Variants in RAP1GAP observed in about 807,000 individuals in gnomAD.
The protein encoded by RAP1GAP is RAP1 GTPase activating protein.
In RAP1GAP, 35 loss-of-function variants were observed where a neutral mutation model predicts 87.2. The ratio of observed to expected loss-of-function variants is 0.40; its 90% CI spans 0.31 to 0.53. The LOEUF is 0.53. RAP1GAP is among the 20% of genes least tolerant of loss of function. The pLI, the probability that RAP1GAP is intolerant of heterozygous loss-of-function variation, is 0.48. For synonymous variants in RAP1GAP, 375 were observed against 363.9 expected, an observed-to-expected ratio of 1.03 and a Z score of -0.35; for missense variants, 734 against 898.9, an observed-to-expected ratio of 0.82 and a Z score of 2.35.
At chr1:21,649,904 G>C (rs2096422539) in intron 1 of RAP1GAP, 108 bp from the exon 2 acceptor site, 1 of 1,185,598 alleles carries the variant, frequency 8.4e-7, no homozygotes, top group Non-Finnish European at 1.2e-6. Flanking sequence ...AGGGGCTGGA[G>C]AAGGTCCTGT....
rs528098037 is a variant in RAP1GAP at position 21,628,400 on chromosome 1, T to TAAAA, written c.-112-2007_-112-2004dup. Among the ~76,000 whole-genome samples, 36 of 52,438 alleles carry TAAAA rather than the reference T, an allele frequency of 6.9e-4. 2 individuals carry two copies. The highest frequency in any genetic ancestry group is 1.2e-3 in the African/African-American group (10 of 8,146). The allele number at this position is 52,438 out of a possible 152,430, so 34.4% of individuals were successfully genotyped here. On this transcript the variant is annotated intron_variant, in intron 2 of 24. Transcript: ENST00000374765. ...CAATATGGTGAAACCCCATCTCTAC[T>TAAAA]AAAAAAAAAAAAAAAAAAAAAAAAA...
chr1:21,643,991 G>A (rs903744435), intron 2 of RAP1GAP, among the ~76,000 whole-genome samples: 3 of 152,338 alleles, frequency 2.0e-5, no homozygotes, highest in Admixed American at 1.3e-4. Context: ...AGGGCGGCAA[G>A]AGTCCTCTCT....
chr1:21,598,550 C>T (rs781623283), intron 21 of RAP1GAP, 48 bp from the exon 22 acceptor site: 1 of 1,486,810 alleles, frequency 6.7e-7, no homozygotes, highest in South Asian at 1.1e-5. Flanking sequence ...ATGCCCTTGG[C>T]ACTGGCTAGG....
intron 1 of RAP1GAP, among the ~76,000 whole-genome samples, chr1:21,652,803 T>C (rs892584348): frequency 6.6e-6 from 1 of 152,152 alleles, no homozygotes; most frequent in Non-Finnish European, 1.5e-5. Context: ...ACCGGGTTAC[T>C]AGCCCTGACC....
Position 21,612,077 on chromosome 1 carries a change from A to G in RAP1GAP, c.561T>C (p.His187=), listed in dbSNP as rs1321702830. ...CAAACTTGAAGTTATTGCTGATGAC[A>G]TGCTCGTCAAAGGTGACGATGAGCC... is the stretch of plus-strand genomic sequence containing the variant. ...ASRLIVTFDE[H]VISNNFKFGV... Residue 187 remains histidine (H), a synonymous_variant, in exon 11 of 25, where the codon CAT becomes CAC. Coordinates refer to ENST00000374765, the MANE Select transcript of RAP1GAP (RefSeq NM_002885.4). The G allele has an allele frequency of 6.4e-7, 1 of 1,553,836 alleles. No individual in the cohort carries two copies. Among genetic ancestry groups the G allele is most frequent in the Non-Finnish European group, 8.7e-7 (1 of 1,148,000 alleles).
chr1:21,626,663 AAGATG>A (rs2150292400), intron 2 of RAP1GAP, among the ~76,000 whole-genome samples: 1 of 152,288 alleles, frequency 6.6e-6, no homozygotes, highest in African/African-American at 2.4e-5. Flanking sequence ...ACCTACTCTG[AAGATG>A]AGTAGACTGA....
At chr1:21,639,287 G>A (rs2095276143) in intron 2 of RAP1GAP, among the ~76,000 whole-genome samples, 1 of 152,182 alleles carries the variant, frequency 6.6e-6, no homozygotes, top group African/African-American at 2.4e-5. Flanking sequence ...GCCCTTCCCT[G>A]GAGCTCTAAA....
intron 1 of RAP1GAP, chr1:21,651,822 T>TGGTGCC (rs1473207540): frequency 8.0e-7 from 1 of 1,252,406 alleles, no homozygotes; most frequent in Non-Finnish European, 1.0e-6. Flanking sequence ...CGGCCGCTCA[T>TGGTGCC]GGTGCCGCCG....
At chr1:21,626,241 C>G in intron 3 of RAP1GAP, 63 bp downstream of exon 3, 1 of 1,398,200 alleles carries the variant, frequency 7.2e-7, no homozygotes, top group Non-Finnish European at 1.0e-6. Flanking sequence ...CTTTCCCAGC[C>G]CTGGGCATGT....
chr1:21,597,691 C>T lies in RAP1GAP; in HGVS notation c.*29G>A. 6.2e-7 allele frequency: 1 copy of T among 1,610,788 alleles called. No homozygotes were observed. Among genetic ancestry groups the T allele is most frequent in the Non-Finnish European group, 8.5e-7 (1 of 1,177,506 alleles). ...GCTGAGGGGCTGGGTCTAACCTGCTCAGTTTCACCTTCAGAGGGGGTGGCC... is the reference window on the plus strand; with the variant it reads ...GCTGAGGGGCTGGGTCTAACCTGCTTAGTTTCACCTTCAGAGGGGGTGGCC... On this transcript the variant is annotated 3_prime_UTR_variant, in exon 24 of 25. Transcript: ENST00000374765.
intron 17 of RAP1GAP, among the ~76,000 whole-genome samples, chr1:21,607,349 A>G (rs1480812558): frequency 1.3e-5 from 2 of 152,216 alleles, no homozygotes; most frequent in Admixed American, 6.5e-5. Flanking sequence ...ACAGATAACA[A>G]TAACTGTATG....
Position 21,622,297 on chromosome 1 carries a change from C to A in RAP1GAP, c.-18-2247G>T. On this transcript the variant is annotated intron_variant, in intron 3 of 24. Transcript: ENST00000374765. This position sits in a 1 kb window ranked among gnomAD's most constrained non-coding sequence, Gnocchi z 5.7. Reference sequence around the variant, plus strand: ...CTCCCCAGCAGTCGGGGTGACCCAGCCCCGGGGTCCCTCCGCCATGCCGCC... The same window carrying A: ...CTCCCCAGCAGTCGGGGTGACCCAGACCCGGGGTCCCTCCGCCATGCCGCC... 2.0e-6 allele frequency: 1 copy of A among 497,926 alleles called. No homozygotes were observed. Among genetic ancestry groups the A allele is most frequent in the Non-Finnish European group, 3.6e-6 (1 of 279,858 alleles). The allele number at this position is 497,926 out of a possible 1,614,324, so 30.8% of individuals were successfully genotyped here.
intron 13 of RAP1GAP, among the ~76,000 whole-genome samples, chr1:21,611,129 C>T (rs1189236969): frequency 1.3e-5 from 2 of 152,202 alleles, no homozygotes; most frequent in Non-Finnish European, 2.9e-5. Flanking sequence ...GACTACATGT[C>T]CCCACATGAC....
rs560376714 is a variant in RAP1GAP, at chr1:21,611,881, C to G, written c.613-65G>C. 14 of 1,540,608 alleles carry G rather than the reference C, an allele frequency of 9.1e-6. No homozygotes were observed. The African/African-American group carries it at 1.2e-4, about 14-fold the overall frequency. On this transcript the variant is annotated intron_variant, in intron 11 of 24. Transcript: ENST00000374765. ...GAGAAGCCCCTGCCCTCTGTCCCTACTTGGACCCAGAGAGGGCCGGAGGGA... is the reference window on the plus strand; with the variant it reads ...GAGAAGCCCCTGCCCTCTGTCCCTAGTTGGACCCAGAGAGGGCCGGAGGGA...
chr1:21,599,374 G>T, intron 21 of RAP1GAP, 120 bp downstream of exon 21: 1 of 1,414,280 alleles, frequency 7.1e-7, no homozygotes, highest in South Asian at 1.4e-5. Context: ...CCTTTGGGCC[G>T]GGTCCCCTGA....
Position 21,603,715 on chromosome 1 carries a change from C to A in RAP1GAP, c.1429-802G>T, listed in dbSNP as rs1379723885. On this transcript the variant is annotated intron_variant, in intron 18 of 24. Transcript: ENST00000374765. The surrounding 1 kb of genome is among the most constrained non-coding windows in gnomAD (Gnocchi z 6.0). ...AGCTGCCGCCACTCCATCCCGCACG[C>A]CCTGGGGCCTGTCCCGGGGGCAGAG... 1 of 1,120,342 alleles carries A rather than the reference C, an allele frequency of 8.9e-7. No individual in the cohort carries two copies. Among genetic ancestry groups the A allele is most frequent in the Non-Finnish European group, 1.4e-6 (1 of 737,612 alleles). The allele number at this position is 1,120,342 out of a possible 1,614,324, so 69.4% of individuals were successfully genotyped here.
At chr1:21,665,286 G>GGAGGGTGGCCTCGGTTGGCA (rs1558943690) in intron 1 of RAP1GAP, 5 of 516,834 alleles carry the variant, frequency 9.7e-6, no homozygotes, top group Non-Finnish European at 1.9e-5. Flanking sequence ...GGGGTCCGAG[G>GGAGGGTGGCCTCGGTTGGCA]GAGGGTGGCC....
At position 21,603,795 on chromosome 1, in the gene RAP1GAP, G is replaced by GCAGGCAGCCTCCGGGGCC; in HGVS notation, c.1429-883_1429-882insGGCCCCGGAGGCTGCCTG. ...TGAGAGCGAGCAGAGAACAGCGCGT[G>GCAGGCAGCCTCCGGGGCC]CAGGCAGCCTCCAGAGCCGGCGGCC... On this transcript the variant is annotated intron_variant, in intron 18 of 24. Coordinates refer to ENST00000374765, the MANE Select transcript of RAP1GAP (RefSeq NM_002885.4). This position sits in a 1 kb window ranked among gnomAD's most constrained non-coding sequence, Gnocchi z 6.0. The GCAGGCAGCCTCCGGGGCC allele has an allele frequency of 6.4e-7, 1 of 1,571,734 alleles. No homozygotes were observed. The highest frequency in any genetic ancestry group is 1.7e-5 in the Admixed American group (1 of 59,898).
chr1:21,655,336 C>T (rs982967096), intron 1 of RAP1GAP, among the ~76,000 whole-genome samples: 2 of 152,182 alleles, frequency 1.3e-5, no homozygotes, highest in Admixed American at 1.3e-4. Flanking sequence ...AGCTATGGGA[C>T]AGACTGGGGA....
Sources: gnomAD v4.1 joint callset for allele counts (sites outside exome capture counted in the v4.1 genomes callset) on GRCh38, gnomAD v4.1.1 for gene constraint, Gnocchi (gnomAD v3.1) non-coding constraint, MANE v1.5 for transcripts, NCBI Gene and HGNC (gene_info 2026-07-23, HGNC 2026-07-21) for gene names.